TMPRSS9: variants seen among roughly 807,000 people sequenced by gnomAD.
TMPRSS9 encodes the protein transmembrane serine protease 9.
In TMPRSS9, 113 loss-of-function variants were observed where a neutral mutation model predicts 111.4. The observed-to-expected ratio is 1.01, with a 90% CI of 0.87 to 1.19. The LOEUF is 1.19. TMPRSS9 is among the 50% of genes most tolerant of loss of function. The pLI is 0.00. For synonymous variants in TMPRSS9, 805 were observed against 659.1 expected, an observed-to-expected ratio of 1.22 and a Z score of -3.39; for missense variants, 1,803 against 1,513.1, an observed-to-expected ratio of 1.19 and a Z score of -3.18.
At chr19:2,368,776 T>TTTTTTTTTTTTTTTTTG (rs1970266465) in intron 1 of TMPRSS9, among the ~76,000 whole-genome samples, 1 of 92,822 alleles carries the variant, frequency 1.1e-5, no homozygotes, top group African/African-American at 7.4e-5. Context: ...TAAACCCAGT[T>TTTTTTTTTTTTTTTTTG]TTTTTTTTTT....
exon 15 of TMPRSS9, chr19:2,424,257 T>A (rs772498971): frequency 7.3e-7 from 1 of 1,373,080 alleles, no homozygotes; most frequent in Non-Finnish European, 9.5e-7. Flanking sequence ...TGCTTCGACG[T>A]GTGAGTTCCA....
At chr19:2,409,896 G>T (rs1396044831) in intron 8 of TMPRSS9, among the ~76,000 whole-genome samples, 4 of 152,048 alleles carry the variant, frequency 2.6e-5, no homozygotes, top group Non-Finnish European at 5.9e-5. Flanking sequence ...GACAGGGGCT[G>T]ATTCTGTGTA....
At chr19:2,425,230 C>T in exon 16 of TMPRSS9, 6 of 1,442,580 alleles carry the variant, frequency 4.2e-6, no homozygotes, top group Non-Finnish European at 5.4e-6. Context: ...ACGGCACGCG[C>T]TGCGTCATCA....
Position 2,405,515 on chromosome 19 carries a change from G to A in TMPRSS9, c.812G>A (p.Trp271Ter). ...GGGGCCGCCATCATCAACGCCAGGTGGCTGGTGTCTGCTGCTCACTGCTTC... is the reference window on the plus strand; with the variant it reads ...GGGGCCGCCATCATCAACGCCAGGTAGCTGGTGTCTGCTGCTCACTGCTTC... The change falls in exon 7 of 18, where the codon TGG (tryptophan) becomes TAG (stop). Residue 271 changes from tryptophan to a stop codon, truncating the protein, a stop_gained. Transcript: ENST00000648592. LOFTEE classifies it high-confidence loss of function. 6.3e-7 allele frequency: 1 copy of A among 1,597,638 alleles called. No homozygotes were observed. The highest frequency in any genetic ancestry group is 8.5e-7 in the Non-Finnish European group (1 of 1,173,838).
intron 1 of TMPRSS9, among the ~76,000 whole-genome samples, chr19:2,377,126 G>A (rs1970341760): frequency 6.6e-6 from 1 of 151,052 alleles, no homozygotes; most frequent in South Asian, 2.1e-4. Context: ...CAGTTCAGGT[G>A]TGTCCCACAG....
At chr19:2,361,096 G>T (rs968103523) in intron 1 of TMPRSS9, among the ~76,000 whole-genome samples, 1 of 142,072 alleles carries the variant, frequency 7.0e-6, no homozygotes, top group Non-Finnish European at 1.5e-5. Flanking sequence ...AGCCCTCTGG[G>T]GTCAGGGGTG....
chr19:2,385,416 A>C (rs1970459153), upstream of TMPRSS9, among the ~76,000 whole-genome samples: 1 of 152,144 alleles, frequency 6.6e-6, no homozygotes. Flanking sequence ...TGAAAGCGGC[A>C]GGAGCATGGA....
chr19:2,416,757 T>TGTGGGCCGGAAGTGCATGATCTCCGG lies in TMPRSS9; in HGVS notation c.1966_1991dup (p.Gly666AlafsTer5), dbSNP rs1398059219. On this transcript the variant is annotated frameshift_variant, in exon 12 of 18. Transcript: ENST00000648592. LOFTEE classifies it high-confidence loss of function. ...TGCCCCTGGCCATCCAGAAGTTCCC[T>TGTGGGCCGGAAGTGCATGATCTCCGG]GTGGGCCGGAAGTGCATGATCTCCG... 2.5e-6 allele frequency: 4 copies of TGTGGGCCGGAAGTGCATGATCTCCGG among 1,612,802 alleles called. No individual in the cohort carries two copies. Among genetic ancestry groups the TGTGGGCCGGAAGTGCATGATCTCCGG allele is most frequent in the Non-Finnish European group, 3.4e-6 (4 of 1,179,962 alleles).
chr19:2,389,708 G>T, upstream of TMPRSS9: 2 of 1,510,786 alleles, frequency 1.3e-6, no homozygotes. Flanking sequence ...TATGGGAAGA[G>T]AAGCACCTTC....
intron 1 of TMPRSS9, among the ~76,000 whole-genome samples, chr19:2,376,888 G>A (rs1279400251): frequency 6.6e-6 from 1 of 152,086 alleles, no homozygotes; most frequent in African/African-American, 2.4e-5. Flanking sequence ...CTCTCCACCC[G>A]GCCTGCCAGC....
At chr19:2,417,050 A>G (rs577968922) in intron 12 of TMPRSS9, among the ~76,000 whole-genome samples, 3 of 152,342 alleles carry the variant, frequency 2.0e-5, no homozygotes, top group Non-Finnish European at 2.9e-5. Context: ...AACAGGGGCC[A>G]TGTTCACACA....
Position 2,413,743 on chromosome 19 carries a change from G to T in TMPRSS9, c.1298G>T (p.Arg433Leu), listed in dbSNP as rs540238106. The T allele has an allele frequency of 1.9e-6, 3 of 1,613,764 alleles. No individual in the cohort carries two copies. The highest frequency in any genetic ancestry group is 2.5e-6 in the Non-Finnish European group (3 of 1,179,844). The change falls in exon 10 of 18, where the codon CGG (arginine) becomes CTG (leucine). Residue 433 changes from arginine (R) to leucine (L), a missense_variant. Arg to Leu is a moderately radical substitution (Grantham distance 102, BLOSUM62 -2). Transcript: ENST00000648592. Reference sequence around the variant, plus strand: ...CTGGTCTGCGAGGAGCCCTCTGGCCGGTTCTTTCTGGCTGGCATCGTGAGC... The same window carrying T: ...CTGGTCTGCGAGGAGCCCTCTGGCCTGTTCTTTCTGGCTGGCATCGTGAGC...
chr19:2,407,473 G>A (rs1244359418), intron 7 of TMPRSS9, among the ~76,000 whole-genome samples: 1 of 151,826 alleles, frequency 6.6e-6, no homozygotes, highest in Non-Finnish European at 1.5e-5. Context: ...GTTGCAGTGA[G>A]CTGAGATCAC....
At chr19:2,426,187 G>GT (rs1367387418) in exon 18 of TMPRSS9, 2 of 910,494 alleles carry the variant, frequency 2.2e-6, no homozygotes, top group Non-Finnish European at 2.9e-6. Flanking sequence ...AAGGACGGGT[G>GT]TGGGGGGGCT....
intron 1 of TMPRSS9, among the ~76,000 whole-genome samples, chr19:2,369,103 C>G (rs944614502): frequency 6.6e-5 from 10 of 151,360 alleles, no homozygotes; most frequent in African/African-American, 2.2e-4. Flanking sequence ...AGGCGCCCAC[C>G]ACCACACCCA....
Position 2,420,025 on chromosome 19 carries a change from G to C in TMPRSS9, c.2155-1829G>C, listed in dbSNP as rs373065014. On this transcript the variant is annotated intron_variant, in intron 13 of 17. Coordinates refer to ENST00000648592, the Ensembl canonical transcript of TMPRSS9. ...ATTTAAAAAAAAAATTTGTCAGGCA[G>C]AGTGGCAGGTGCCTGTGGTCCCAGC... Among the ~76,000 whole-genome samples, 40 of 152,214 alleles carry C rather than the reference G, an allele frequency of 2.6e-4. 1 individual carries two copies. In the South Asian group the frequency reaches 5.2e-3, roughly 20 times the overall value.
chr19:2,367,578 T>TTTG (rs1406863843), intron 1 of TMPRSS9, among the ~76,000 whole-genome samples: 43 of 129,770 alleles, frequency 3.3e-4, no homozygotes, highest in African/African-American at 1.2e-3. Flanking sequence ...TTTTTTTTTT[T>TTTG]TTTGAGAGGG....
chr19:2,418,378 TC>T lies in TMPRSS9; in HGVS notation c.2154+243del, dbSNP rs1971330803. On this transcript the variant is annotated intron_variant, in intron 13 of 17. Coordinates refer to ENST00000648592, the Ensembl canonical transcript of TMPRSS9. ...CCCTCCCTCCCTTCCCTTCCCTCCC[TC>T]CCTTTCCTTCCCTCCCTGGCCTTTC... 1.8e-4 allele frequency among the ~76,000 whole-genome samples: 7 copies of T among 38,250 alleles called. 1 individual carries two copies. The highest frequency in any genetic ancestry group is 8.0e-4 in the African/African-American group (6 of 7,462). The allele number at this position is 38,250 out of a possible 152,430, so 25.1% of individuals were successfully genotyped here.
At chr19:2,422,297 T>G (rs778765192) in intron 14 of TMPRSS9, 50 bp downstream of exon 15, 34 of 1,484,262 alleles carry the variant, frequency 2.3e-5, no homozygotes, top group Non-Finnish European at 2.8e-5. Flanking sequence ...CCCATGTTAA[T>G]CAGCCTGGGC....
Sources: gnomAD v4.1 joint callset for allele counts (sites outside exome capture counted in the v4.1 genomes callset) on GRCh38, gnomAD v4.1.1 for gene constraint, MANE v1.5 for transcripts, NCBI Gene and HGNC (gene_info 2026-07-23, HGNC 2026-07-21) for gene names.